The following ROBO2 variants were observed in gnomAD, a reference collection of about 807,000 sequenced individuals.
ROBO2 encodes roundabout guidance receptor 2, also known as roundabout homolog 2.
In ROBO2, 53 loss-of-function variants were observed where a neutral mutation model predicts 160.8. The ratio of observed to expected loss-of-function variants is 0.33; its 90% CI spans 0.26 to 0.41. ROBO2 has a LOEUF of 0.41. Ranked by LOEUF, ROBO2 falls within the 10% of genes least tolerant of loss-of-function variation. The pLI is 1.00. For synonymous variants in ROBO2, 664 were observed against 611.7 expected, an observed-to-expected ratio of 1.09 and a Z score of -1.26; for missense variants, 1,577 against 1,722.4, an observed-to-expected ratio of 0.92 and a Z score of 1.49.
rs147880373 is a variant in ROBO2, at chr3:76,737,649, A to G, written c.110-360365A>G. On this transcript the variant is annotated intron_variant, in intron 2 of 26. Coordinates refer to the ROBO2 transcript ENST00000487694. ...TATACTTCAATAAATCTTTGTATCT[A>G]TGAGTTTCTCATCTTTCAGCATGTA... 9.8e-5 allele frequency among the ~76,000 whole-genome samples: 15 copies of G among 152,316 alleles called. No individual in the cohort carries two copies. In the East Asian group the frequency reaches 2.7e-3, roughly 27 times the overall value.
At chr3:76,004,301 A>C (rs895814079) in intron 2 of ROBO2, among the ~76,000 whole-genome samples, 1 of 152,184 alleles carries the variant, frequency 6.6e-6, no homozygotes, top group African/African-American at 2.4e-5. Flanking sequence ...TATATGATTC[A>C]ATTTTTGTGA....
At chr3:77,217,406 G>T (rs764009032) in intron 2 of ROBO2, among the ~76,000 whole-genome samples, 4 of 152,132 alleles carry the variant, frequency 2.6e-5, no homozygotes, top group Non-Finnish European at 5.9e-5. Context: ...GCCTCCCAAA[G>T]TGCTGGGATT....
chr3:76,375,992 A>T (rs2076327123), intron 2 of ROBO2, among the ~76,000 whole-genome samples: 1 of 151,980 alleles, frequency 6.6e-6, no homozygotes, highest in African/African-American at 2.4e-5. Context: ...TTCATATTGC[A>T]TTGCACTGTT....
chr3:77,005,915 T>G (rs1198606496), intron 2 of ROBO2, among the ~76,000 whole-genome samples: 6 of 152,202 alleles, frequency 3.9e-5, no homozygotes, highest in African/African-American at 1.4e-4. Flanking sequence ...TTTTCTGAAT[T>G]GTTGCTTTTT....
chr3:77,027,927 A>G (rs2149536098), intron 2 of ROBO2, among the ~76,000 whole-genome samples: 1 of 152,290 alleles, frequency 6.6e-6, no homozygotes, highest in East Asian at 1.9e-4. Context: ...ACTCAATAAA[A>G]GCTACAAAGC....
At chr3:76,831,467 T>C (rs1038420480) in intron 2 of ROBO2, among the ~76,000 whole-genome samples, 1 of 152,130 alleles carries the variant, frequency 6.6e-6, no homozygotes, top group Non-Finnish European at 1.5e-5. Context: ...AGGGTTATAT[T>C]TTGAGGCATA....
At chr3:77,645,963 G>C in intron 25 of ROBO2, 91 bp from the exon 28 acceptor site, 1 of 850,540 alleles carries the variant, frequency 1.2e-6, no homozygotes, top group Non-Finnish European at 1.9e-6. Context: ...TATTTTCATT[G>C]ATTATCTGTT....
At position 75,980,913 on chromosome 3, in the gene ROBO2, A is replaced by ACATT. The variant is rs1553712558; in HGVS notation, c.109+43311_109+43312insCATT. Among the ~76,000 whole-genome samples the ACATT allele has an allele frequency of 1.3e-4, 19 of 150,968 alleles. 1 individual carries two copies. In the South Asian group the frequency reaches 3.9e-3, roughly 31 times the overall value. ...ATGAGATACACATTGATGTTAAAAT[A>ACATT]AATATTTACACTTCTATGTAGAAAA... On this transcript the variant is annotated intron_variant, in intron 2 of 26. Transcript: ENST00000487694.
intron 2 of ROBO2, among the ~76,000 whole-genome samples, chr3:76,207,645 C>G (rs1003860740): frequency 1.3e-5 from 2 of 152,106 alleles, no homozygotes; most frequent in African/African-American, 2.4e-5. Context: ...GACACAATGC[C>G]TACCCTCAAG....
At chr3:77,471,574 A>C (rs1286320496) in intron 2 of ROBO2, among the ~76,000 whole-genome samples, 1 of 152,196 alleles carries the variant, frequency 6.6e-6, no homozygotes, top group East Asian at 1.9e-4. Context: ...AAGTATATGA[A>C]AAGAGAGTAA....
chr3:76,198,364 T>G (rs36003512), intron 2 of ROBO2, among the ~76,000 whole-genome samples: 16,663 of 152,200 alleles, frequency 0.11, 1,183 homozygotes, highest in African/African-American at 0.2. Context: ...ACAGAGATCT[T>G]AAGACTGACA....
intron 2 of ROBO2, among the ~76,000 whole-genome samples, chr3:77,349,796 G>A (rs1318470959): frequency 3.9e-5 from 6 of 151,932 alleles, no homozygotes; most frequent in African/African-American, 1.4e-4. Context: ...TTTTCAGAGA[G>A]GCCTTTCTTT....
chr3:76,888,089 C>A (rs527271928), intron 2 of ROBO2, among the ~76,000 whole-genome samples: 1 of 152,200 alleles, frequency 6.6e-6, no homozygotes, highest in Non-Finnish European at 1.5e-5. Context: ...AGTATTGAGC[C>A]GGGCACAGTG....
intron 2 of ROBO2, among the ~76,000 whole-genome samples, chr3:77,382,484 C>T (rs967129161): frequency 3.3e-5 from 5 of 151,528 alleles, no homozygotes; most frequent in African/African-American, 4.9e-5. Context: ...TGTGTAGCGG[C>T]GAATCCTGAG....
chr3:76,846,590 G>A lies in ROBO2; in HGVS notation c.110-251424G>A, dbSNP rs576216928. On this transcript the variant is annotated intron_variant, in intron 2 of 26. Transcript: ENST00000487694. ...GGGTACATTGTTATTCTAATTACTC[G>A]ATAACGTTGTCTGGGCTAGAAGTGG... Among the ~76,000 whole-genome samples, 14 of 152,090 alleles carry A rather than the reference G, an allele frequency of 9.2e-5. No individual in the cohort carries two copies. In the East Asian group the frequency reaches 1.7e-3, roughly 19 times the overall value.
chr3:77,347,478 C>A (rs1375233645), intron 2 of ROBO2, among the ~76,000 whole-genome samples: 1 of 151,726 alleles, frequency 6.6e-6, no homozygotes, highest in Admixed American at 6.6e-5. Context: ...TTATTTCTGC[C>A]AGAAAAAAAT....
At chr3:76,702,615 A>G (rs1341079494) in intron 2 of ROBO2, among the ~76,000 whole-genome samples, 1 of 152,068 alleles carries the variant, frequency 6.6e-6, no homozygotes, top group Admixed American at 6.6e-5. Flanking sequence ...AATCCAGCGT[A>G]TGGTGTGTTG....
chr3:76,890,376 C>T (rs2074255240), intron 2 of ROBO2, among the ~76,000 whole-genome samples: 1 of 152,150 alleles, frequency 6.6e-6, no homozygotes, highest in African/African-American at 2.4e-5. Flanking sequence ...CAAGTATCTG[C>T]ATTGCTCACG....
intron 2 of ROBO2, among the ~76,000 whole-genome samples, chr3:77,431,832 T>C (rs1212021723): frequency 2.6e-5 from 4 of 152,192 alleles, no homozygotes; most frequent in African/African-American, 9.6e-5. Context: ...CAGGAAAGTC[T>C]ATCAGTCTAT....
Sources: allele counts gnomAD v4.1 joint callset (sites outside exome capture counted in the v4.1 genomes callset), GRCh38; gene constraint gnomAD v4.1.1; transcripts MANE v1.5; gene names NCBI Gene and HGNC (gene_info 2026-07-23, HGNC 2026-07-21).